WDR24: variants seen among roughly 807,000 people sequenced by gnomAD.
WDR24 encodes the protein GATOR2 complex protein WDR24.
A neutral mutation model predicts 66.7 loss-of-function variants in WDR24; 32 were observed. That is an observed-to-expected ratio of 0.48 (90% confidence interval 0.36 to 0.64). The LOEUF is 0.64. Among genes scored for constraint, WDR24 ranks in the 30% least tolerant of loss-of-function variants. The pLI, the probability that WDR24 is intolerant of heterozygous loss-of-function variation, is 0.00. For missense variants in WDR24, 978 were observed against 1,144.1 expected (o/e 0.85, Z 2.09); for synonymous variants, 565 against 469.1 (o/e 1.20, Z -2.64).
chr16:686,510 G>A (rs1476474483), intron 3 of WDR24, among the ~76,000 whole-genome samples: 2 of 152,202 alleles, frequency 1.3e-5, no homozygotes, highest in Non-Finnish European at 2.9e-5. Flanking sequence ...CAGAGAGCTT[G>A]AGCCACACGA....
chr16:687,368 G>A lies in WDR24; in HGVS notation c.708C>T (p.Asp236=), dbSNP rs2039921373. 8 of 1,597,658 alleles carry A rather than the reference G, an allele frequency of 5.0e-6. 1 individual carries two copies. The highest frequency in any genetic ancestry group is 1.1e-5 in the South Asian group (1 of 90,854). The change falls in exon 3 of 9, where the codon GAC becomes GAT. Residue 236 remains aspartate, a synonymous_variant. Transcript: ENST00000293883. ...TCTCCTTGGCACGGTGCGTGGTCAT[G>A]TCCCAGACCTTCACCATCTTGTCGC... is the stretch of plus-strand genomic sequence containing the variant. ...GGRDKMVKVW[D]MTTHRAKEMH...
At chr16:687,904 A>G (rs1279529868) in intron 1 of WDR24, 165 bp from the exon 2 acceptor site, 1 of 891,086 alleles carries the variant, frequency 1.1e-6, no homozygotes, top group South Asian at 1.4e-5. Context: ...AGCCACACAG[A>G]GTCGCCACAA....
chr16:686,412 G>A lies in WDR24; in HGVS notation c.1333-226C>T, dbSNP rs557682240. Among the ~76,000 whole-genome samples, 6 of 152,324 alleles carry A rather than the reference G, an allele frequency of 3.9e-5. No homozygotes were observed. The South Asian group carries it at 6.2e-4, about 16-fold the overall frequency. ...ACAGAATTGGGCAGTGGGGACTTGC[G>A]GGGCAGCTAGAGATGGGCATGGGAA... is the stretch of plus-strand genomic sequence containing the variant. On this transcript the variant is annotated intron_variant, in intron 3 of 8. Transcript: ENST00000293883.
rs142550128 is a variant in WDR24 at position 685,278 on chromosome 16, C to T, written c.1998G>A (p.Lys666=). The T allele has an allele frequency of 3.8e-6, 6 of 1,595,210 alleles. No individual in the cohort carries two copies. Among genetic ancestry groups the T allele is most frequent in the Admixed American group, 3.3e-5 (2 of 59,768 alleles). The change falls in exon 7 of 9, where the codon AAG becomes AAA. Residue 666 remains lysine (K), a synonymous_variant. Transcript: ENST00000293883. ...VLIVLGERVR[K]DIDEQTQEHW... ...ACACCTGGGTCTGCTCGTCGATGTC[C>T]TTGCGCACCCGTTCACCCAGGACGA...
Position 687,752 on chromosome 16 carries a change from G to C in WDR24, c.482-13C>G. On this transcript the variant is annotated splice_polypyrimidine_tract_variant and intron_variant, in intron 1 of 8. Transcript: ENST00000293883. ...CTCTCCGACTGGCCTGCAGGCAGGA[G>C]GTCGATGCAGGGGAAGTGACGGGGC... 1 of 1,610,846 alleles carries C rather than the reference G, an allele frequency of 6.2e-7. No homozygotes were observed.
intron 8 of WDR24, 43 bp downstream of exon 8, chr16:684,949 T>G: frequency 6.5e-7 from 1 of 1,536,742 alleles, no homozygotes; most frequent in Non-Finnish European, 8.7e-7. Context: ...GCTGCTGCGC[T>G]GCCTGCAGGC....
intron 1 of WDR24, 59 bp from the exon 2 acceptor site, chr16:687,798 C>G (rs905209017): frequency 6.4e-7 from 1 of 1,573,760 alleles, no homozygotes; most frequent in Non-Finnish European, 8.6e-7. Flanking sequence ...GGTGCGCCCT[C>G]AGAACAGCTG....
At position 687,209 on chromosome 16, in the gene WDR24, T is replaced by C. The variant is rs777780156; in HGVS notation, c.867A>G (p.Pro289=). 6.2e-7 allele frequency: 1 copy of C among 1,612,416 alleles called. No individual in the cohort carries two copies. The highest frequency in any genetic ancestry group is 1.1e-5 in the South Asian group (1 of 91,084). ...CTCGGTGTTCCTCAAACATGGCAGC[T>C]GGCACGAAGGGCCGGCGCACGTCCC... The part of the protein sequence containing the change: ...YVWDVRRPFV[P]AAMFEEHRDV... Residue 289 remains proline (P), a synonymous_variant, in exon 3 of 9, where the codon CCA becomes CCG. Coordinates refer to ENST00000293883, the MANE Select transcript of WDR24 (RefSeq NM_032259.4).
chr16:688,209 T>C (rs923238593), intron 1 of WDR24: 21 of 397,278 alleles, frequency 5.3e-5, no homozygotes, highest in Admixed American at 1.9e-4. Flanking sequence ...AGGGCCCAGG[T>C]CCACCCTAGG....
chr16:685,199 G>A (rs370832813), intron 7 of WDR24, 23 bp from the exon 8 acceptor site: 22 of 1,597,872 alleles, frequency 1.4e-5, no homozygotes, highest in Non-Finnish European at 1.6e-5. Flanking sequence ...GCGCCCGGCA[G>A]TCAGGATCTG....
intron 1 of WDR24, chr16:688,947 A>C: frequency 1.4e-6 from 1 of 703,848 alleles, no homozygotes; most frequent in South Asian, 1.9e-5. Flanking sequence ...TGCTGGTCTC[A>C]TCTCTTGCCT....
chr16:686,092 G>A lies in WDR24; in HGVS notation c.1427C>T (p.Ser476Phe), dbSNP rs1211431279. 3.1e-6 allele frequency: 5 copies of A among 1,612,922 alleles called. No homozygotes were observed. In the Admixed American group the frequency reaches 5.0e-5, roughly 16 times the overall value. Reference sequence around the variant, plus strand: ...CCTGTTCATGAGCGGGAGGCCACAGGAGCCACCCTTGCCCACACTGTGGTT... The same window carrying A: ...CCTGTTCATGAGCGGGAGGCCACAGAAGCCACCCTTGCCCACACTGTGGTT... ...NLNHSVGKGG[S>F]CGLPLMNSFN... is the part of the protein sequence containing the mutation. Residue 476 changes from serine (S) to phenylalanine (F), a missense_variant, in exon 4 of 9, where the codon TCC becomes TTC. By Grantham distance (155) the Ser-to-Phe change is radical (BLOSUM62 -2). Around this residue, in one of 2 missense-constraint regions of WDR24, gnomAD observed 676 missense variants for 617.5 expected, o/e 1.09. Transcript: ENST00000293883.
At chr16:688,127 G>T (rs1459870075) in intron 1 of WDR24, 1 of 461,478 alleles carries the variant, frequency 2.2e-6, no homozygotes, top group Non-Finnish European at 4.3e-6. Context: ...TGAGGAGGGT[G>T]CCCCAGCCTT....
At chr16:687,903 G>C (rs778973720) in intron 1 of WDR24, 164 bp from the exon 2 acceptor site, 12 of 921,980 alleles carry the variant, frequency 1.3e-5, no homozygotes, top group African/African-American at 3.3e-5. Flanking sequence ...CAGCCACACA[G>C]AGTCGCCACA....
Position 685,497 on chromosome 16 carries a change from G to A in WDR24, c.1779C>T (p.Asp593=), listed in dbSNP as rs1262361494. 6 of 1,598,442 alleles carry A rather than the reference G, an allele frequency of 3.8e-6. No individual in the cohort carries two copies. Among genetic ancestry groups the A allele is most frequent in the Non-Finnish European group, 5.1e-6 (6 of 1,169,596 alleles). ...CCTCGCTGCCGCTCACGTGCGGGGA[G>A]TCGGCCTTGTCCTGCAGGTGCTCGG... ...PGPEHLQDKA[D]SPHVSGSEAD... The change falls in exon 7 of 9, where the codon GAC becomes GAT. Residue 593 remains aspartate, a synonymous_variant. Coordinates refer to ENST00000293883, the MANE Select transcript of WDR24 (RefSeq NM_032259.4).
At position 685,501 on chromosome 16, in the gene WDR24, G is replaced by C. The variant is rs778642406; in HGVS notation, c.1775C>G (p.Ala592Gly). 1 of 1,596,548 alleles carries C rather than the reference G, an allele frequency of 6.3e-7. No homozygotes were observed. The highest frequency in any genetic ancestry group is 8.6e-7 in the Non-Finnish European group (1 of 1,168,372). The change falls in exon 7 of 9, where the codon GCC (alanine) becomes GGC (glycine). Residue 592 changes from alanine (A) to glycine (G), a missense_variant. By Grantham distance (60) the Ala-to-Gly change is moderately conservative. Transcript: ENST00000293883. The part of the protein sequence containing the change: ...PPGPEHLQDK[A>G]DSPHVSGSEA... ...GCTGCCGCTCACGTGCGGGGAGTCG[G>C]CCTTGTCCTGCAGGTGCTCGGGCCC...
intron 3 of WDR24, 92 bp from the exon 4 acceptor site, chr16:686,278 A>G (rs2039905296): frequency 1.4e-6 from 2 of 1,423,050 alleles, no homozygotes; most frequent in Non-Finnish European, 1.9e-6. Flanking sequence ...AGCCCTCAGC[A>G]TTCAGCTGCC....
Position 690,033 on chromosome 16 carries a change from G to A in WDR24, c.-393C>T, listed in dbSNP as rs751119863. 2.1e-6 allele frequency: 1 copy of A among 481,952 alleles called. No homozygotes were observed. Among genetic ancestry groups the A allele is most frequent in the East Asian group, 6.2e-5 (1 of 16,150 alleles). The allele number at this position is 481,952 out of a possible 1,614,324, so 29.9% of individuals were successfully genotyped here. On this transcript the variant is annotated 5_prime_UTR_variant, in exon 1 of 9. Transcript: ENST00000293883. ...CGCTCGGTCAGTCAATCCCAGCAGG[G>A]GAGCGAGGAGACTCCCGCCGTCCAC...
Position 690,250 on chromosome 16 carries a change from T to A in WDR24, c.-610A>T. 3.9e-5 allele frequency: 16 copies of A among 413,986 alleles called. No individual in the cohort carries two copies. Among genetic ancestry groups the A allele is most frequent in the South Asian group, 2.8e-4 (16 of 57,976 alleles). 25.6% of individuals were successfully genotyped at this position (413,986 alleles called of 1,614,324 possible). On this transcript the variant is annotated 5_prime_UTR_variant, in exon 1 of 9. Transcript: ENST00000293883. ...AGGAGAGAAGCCGGCGACCCCGGAG[T>A]ACAGGGTTCCTGGGAGCGGCGCAGT...
Sources: allele counts gnomAD v4.1 joint callset (sites outside exome capture counted in the v4.1 genomes callset), GRCh38; gene constraint gnomAD v4.1.1; regional missense constraint gnomAD v4.1.1; transcripts MANE v1.5; gene names NCBI Gene and HGNC (gene_info 2026-07-23, HGNC 2026-07-21).